The following DENND1A variants were observed in gnomAD, a reference collection of about 807,000 sequenced individuals.
DENND1A encodes the protein DENN domain containing 1A, also known as DENN domain-containing protein 1A.
Under a neutral mutation model 113.7 loss-of-function variants are expected in DENND1A, and 51 were observed. The observed-to-expected ratio is 0.45, with a 90% CI of 0.36 to 0.57. DENND1A has a LOEUF of 0.57. Among genes scored for constraint, DENND1A ranks in the 20% least tolerant of loss-of-function variants. The pLI is 0.00. For synonymous variants in DENND1A, 565 were observed against 570.8 expected, an observed-to-expected ratio of 0.99 and a Z score of 0.14; for missense variants, 1,258 against 1,395.9, an observed-to-expected ratio of 0.90 and a Z score of 1.57.
intron 13 of DENND1A, among the ~76,000 whole-genome samples, chr9:123,531,408 T>TC (rs1381671945): frequency 1.3e-5 from 2 of 152,152 alleles, no homozygotes. Context: ...TTTCTTCCTT[T>TC]CACCTTTTTA....
intron 12 of DENND1A, among the ~76,000 whole-genome samples, chr9:123,573,191 G>A (rs2058452418): frequency 6.6e-6 from 1 of 152,052 alleles, no homozygotes; most frequent in African/African-American, 2.4e-5. Flanking sequence ...TAACTTTATA[G>A]TGAGTCTTGC....
At chr9:123,584,132 C>T (rs2059050989) in intron 11 of DENND1A, among the ~76,000 whole-genome samples, 1 of 152,178 alleles carries the variant, frequency 6.6e-6, no homozygotes, top group African/African-American at 2.4e-5. Flanking sequence ...ATCCTCCTTC[C>T]CCATCACGTA....
intron 13 of DENND1A, among the ~76,000 whole-genome samples, chr9:123,490,609 A>G (rs991691486): frequency 2.0e-5 from 3 of 152,234 alleles, no homozygotes; most frequent in Non-Finnish European, 4.4e-5. Flanking sequence ...AAAAAAACAA[A>G]AACAAAAACA....
At chr9:123,899,010 T>C (rs1426641648) in intron 1 of DENND1A, among the ~76,000 whole-genome samples, 2 of 152,230 alleles carry the variant, frequency 1.3e-5, no homozygotes, top group African/African-American at 4.8e-5. Flanking sequence ...CCCAACAGCA[T>C]TCTACAAGGC....
chr9:123,608,516 T>C (rs2060271125), intron 11 of DENND1A, among the ~76,000 whole-genome samples: 1 of 152,068 alleles, frequency 6.6e-6, no homozygotes, highest in Non-Finnish European at 1.5e-5. Flanking sequence ...AACTCTCTCC[T>C]GAGGAGGAAA....
intron 13 of DENND1A, among the ~76,000 whole-genome samples, chr9:123,516,884 CAAAA>C (rs546001517): frequency 3.2e-5 from 3 of 93,390 alleles, no homozygotes; most frequent in Admixed American, 1.1e-4. Flanking sequence ...GACTCTGTCT[CAAAA>C]AAAAAAAAAA....
At chr9:123,871,347 G>A (rs1159750074) in intron 2 of DENND1A, among the ~76,000 whole-genome samples, 2 of 152,112 alleles carry the variant, frequency 1.3e-5, no homozygotes, top group African/African-American at 4.8e-5. Flanking sequence ...GCCTCCCAAA[G>A]TGCTAGGATT....
chr9:123,840,508 A>AC (rs1190565926), intron 2 of DENND1A, among the ~76,000 whole-genome samples: 1 of 152,190 alleles, frequency 6.6e-6, no homozygotes, highest in African/African-American at 2.4e-5. Flanking sequence ...AACACCACCT[A>AC]CCTGGCAGAG....
Position 123,930,005 on chromosome 9 carries a change from T to G in DENND1A, c.-100A>C. 4 of 219,808 alleles carry G rather than the reference T, an allele frequency of 1.8e-5. No individual in the cohort carries two copies. Among genetic ancestry groups the G allele is most frequent in the East Asian group, 9.3e-5 (1 of 10,746 alleles). The allele number at this position is 219,808 out of a possible 1,614,324, so 13.6% of individuals were successfully genotyped here. A position where few individuals can be genotyped will look rare whatever the true frequency, so the allele number is the denominator to read the frequency against. ...CTCCCTCTGGCGCTCTCCCCGCCCC[T>G]TCCTCCCTTCCCTCAGGCTGGGGCC... On this transcript the variant is annotated 5_prime_UTR_variant, in exon 1 of 24. Transcript: ENST00000394215.
At chr9:123,833,917 A>C (rs1469429317) in intron 2 of DENND1A, among the ~76,000 whole-genome samples, 1 of 152,134 alleles carries the variant, frequency 6.6e-6, no homozygotes, top group African/African-American at 2.4e-5. Flanking sequence ...TTAGCTGGGC[A>C]TGGTGGCACA....
chr9:123,564,522 C>T (rs949338244), intron 12 of DENND1A, among the ~76,000 whole-genome samples: 1 of 152,256 alleles, frequency 6.6e-6, no homozygotes, highest in Admixed American at 6.5e-5. Flanking sequence ...CTGGCCTCCC[C>T]CTTACCCCAG....
chr9:123,507,669 C>A (rs941507026), intron 13 of DENND1A, among the ~76,000 whole-genome samples: 2 of 149,354 alleles, frequency 1.3e-5, no homozygotes, highest in Non-Finnish European at 3.0e-5. Context: ...GGCAACATAG[C>A]GGGACCCTCA....
chr9:123,430,161 T>C (rs2046029436), intron 19 of DENND1A, among the ~76,000 whole-genome samples: 1 of 152,146 alleles, frequency 6.6e-6, no homozygotes, highest in African/African-American at 2.4e-5. Flanking sequence ...CCAGTCAGAA[T>C]AGCGATTATT....
At chr9:123,675,795 C>A (rs1442965034) in intron 6 of DENND1A, among the ~76,000 whole-genome samples, 2 of 152,090 alleles carry the variant, frequency 1.3e-5, no homozygotes, top group South Asian at 2.1e-4. Context: ...AAGAAAACAG[C>A]AGAATTATTT....
At chr9:123,828,062 G>C (rs1171323680) in intron 2 of DENND1A, among the ~76,000 whole-genome samples, 2 of 151,836 alleles carry the variant, frequency 1.3e-5, no homozygotes, top group African/African-American at 4.8e-5. Flanking sequence ...GACCCAGAAG[G>C]GATTCAAATA....
intron 3 of DENND1A, among the ~76,000 whole-genome samples, chr9:123,775,443 T>C (rs982904391): frequency 1.3e-5 from 2 of 151,898 alleles, no homozygotes; most frequent in Admixed American, 6.6e-5. Flanking sequence ...ACCAAAGGAA[T>C]AGGGGTCCCA....
At chr9:123,895,435 A>AGTT (rs1850581210) in intron 1 of DENND1A, among the ~76,000 whole-genome samples, 2 of 152,022 alleles carry the variant, frequency 1.3e-5, no homozygotes, top group African/African-American at 4.8e-5. Context: ...AGCCTGGCCA[A>AGTT]CATAGTGAAG....
chr9:123,524,430 G>A (rs1485695142), intron 13 of DENND1A, among the ~76,000 whole-genome samples: 2 of 152,222 alleles, frequency 1.3e-5, no homozygotes, highest in East Asian at 3.9e-4. Context: ...AAGCCTTCAT[G>A]GGTCCACAAG....
chr9:123,691,010 G>T (rs2065157376), intron 5 of DENND1A, among the ~76,000 whole-genome samples: 1 of 152,162 alleles, frequency 6.6e-6, no homozygotes, highest in African/African-American at 2.4e-5. Context: ...CTTAATGTGG[G>T]TACAGTCAGC....
Sources: gnomAD v4.1 joint callset for allele counts (sites outside exome capture counted in the v4.1 genomes callset) on GRCh38, gnomAD v4.1.1 for gene constraint, MANE v1.5 for transcripts, NCBI Gene and HGNC (gene_info 2026-07-23, HGNC 2026-07-21) for gene names.